RFX3: variants seen among roughly 807,000 people sequenced by gnomAD.
RFX3 encodes the protein transcription factor RFX3.
RFX3 carries 14 observed loss-of-function variants against 98.6 expected under a neutral mutation model. The ratio of observed to expected loss-of-function variants is 0.14; its 90% confidence interval spans 0.09 to 0.22. RFX3 has a LOEUF of 0.22. Among genes scored for constraint, RFX3 ranks in the 10% least tolerant of loss-of-function variants. RFX3 has a pLI of 1.00. For missense variants in RFX3, 639 were observed against 926.9 expected (o/e 0.69, Z 4.03); for synonymous variants, 383 against 328.4 (o/e 1.17, Z -1.80).
intron 1 of RFX3, among the ~76,000 whole-genome samples, chr9:3,455,799 G>A (rs1170909539): frequency 1.3e-5 from 2 of 152,108 alleles, no homozygotes; most frequent in Admixed American, 1.3e-4. Flanking sequence ...CTTAAAACCT[G>A]GAAACCATAA....
chr9:3,524,761 A>C (rs1819052685), intron 1 of RFX3: 1 of 245,662 alleles, frequency 4.1e-6, no homozygotes, highest in Non-Finnish European at 6.5e-6. Context: ...CACATGAAGG[A>C]TAAAGCACTG....
intron 15 of RFX3, among the ~76,000 whole-genome samples, chr9:3,234,959 C>T (rs1343516801): frequency 6.6e-6 from 1 of 152,198 alleles, no homozygotes; most frequent in Non-Finnish European, 1.5e-5. Flanking sequence ...AAGTAAGAGT[C>T]AGCTTTTAAA....
At chr9:3,437,074 T>C (rs1845195278) in intron 1 of RFX3, among the ~76,000 whole-genome samples, 1 of 152,108 alleles carries the variant, frequency 6.6e-6, no homozygotes, top group African/African-American at 2.4e-5. Context: ...AAGCAGCAAA[T>C]GAAAATGTCA....
intron 15 of RFX3, among the ~76,000 whole-genome samples, chr9:3,233,170 G>A (rs1818707247): frequency 6.6e-6 from 1 of 152,218 alleles, no homozygotes; most frequent in African/African-American, 2.4e-5. Context: ...GCCAGTGAGA[G>A]TCTATTAGCA....
At position 3,431,501 on chromosome 9, in the gene RFX3, A is replaced by G. The variant is rs181962904; in HGVS notation, c.-8-35905T>C. 1.1e-4 allele frequency among the ~76,000 whole-genome samples: 17 copies of G among 152,314 alleles called. No individual in the cohort carries two copies. The East Asian group carries it at 3.3e-3, about 29-fold the overall frequency. ...AATTTATGAAGTTGTCACTACAGTT[A>G]CGCCAACAGGTATGAAAACCCCGCA... On this transcript the variant is annotated intron_variant, in intron 1 of 16. Coordinates refer to ENST00000617270, the MANE Select transcript of RFX3 (RefSeq NM_001282116.2).
chr9:3,492,575 T>G (rs1850804064), intron 1 of RFX3, among the ~76,000 whole-genome samples: 1 of 152,146 alleles, frequency 6.6e-6, no homozygotes, highest in African/African-American at 2.4e-5. Flanking sequence ...TCAGGCATAC[T>G]CAACTCTACG....
intron 14 of RFX3, among the ~76,000 whole-genome samples, chr9:3,256,339 CTTT>C (rs200534632): frequency 3.5e-5 from 5 of 144,518 alleles, no homozygotes; most frequent in Non-Finnish European, 3.0e-5. Context: ...GGATTTGTTT[CTTT>C]TTTTTTTTTT....
rs1159940231 is a variant in RFX3 at position 3,376,888 on chromosome 9, T to C, written c.117+18584A>G. Among the ~76,000 whole-genome samples the C allele has an allele frequency of 2.0e-5, 3 of 151,244 alleles. No individual in the cohort carries two copies. In the East Asian group the frequency reaches 5.8e-4, roughly 29 times the overall value. ...TCAGAGAAATGCAAATCAAAACCAC[T>C]ATGAGATACCATCTCACACCAGTTA... On this transcript the variant is annotated intron_variant, in intron 2 of 16. Transcript: ENST00000617270.
At chr9:3,436,402 A>C (rs1328195870) in intron 1 of RFX3, among the ~76,000 whole-genome samples, 1 of 152,120 alleles carries the variant, frequency 6.6e-6, no homozygotes, top group Non-Finnish European at 1.5e-5. Flanking sequence ...ATTTTGAGTG[A>C]TCTTCAAGTT....
At chr9:3,423,930 A>C (rs574668401) in intron 1 of RFX3, among the ~76,000 whole-genome samples, 1 of 151,294 alleles carries the variant, frequency 6.6e-6, no homozygotes, top group Non-Finnish European at 1.5e-5. Context: ...GGGGGACCAC[A>C]AGGTCAGGAG....
chr9:3,450,280 G>A (rs547190806), intron 1 of RFX3, among the ~76,000 whole-genome samples: 1 of 152,112 alleles, frequency 6.6e-6, no homozygotes, highest in Admixed American at 6.5e-5. Context: ...CTCAATTCTG[G>A]TGTCAGAAAG....
intron 4 of RFX3, 141 bp downstream of exon 4, chr9:3,330,118 T>C: frequency 1.2e-6 from 1 of 808,252 alleles, no homozygotes; most frequent in Non-Finnish European, 1.9e-6. Context: ...TATACTACAT[T>C]CTGCAAACTC....
chr9:3,417,193 T>C (rs1275370018), intron 1 of RFX3, among the ~76,000 whole-genome samples: 2 of 151,982 alleles, frequency 1.3e-5, no homozygotes, highest in Non-Finnish European at 2.9e-5. Flanking sequence ...AGAACTCCAA[T>C]ATACATAAAA....
At chr9:3,497,556 G>A (rs1299888887) in intron 1 of RFX3, among the ~76,000 whole-genome samples, 2 of 151,948 alleles carry the variant, frequency 1.3e-5, no homozygotes, top group Non-Finnish European at 1.5e-5. Context: ...CTCGAACTAG[G>A]ATGCCTCATA....
At chr9:3,225,313 G>A (rs757837663) in intron 16 of RFX3, 33 bp from the exon 17 acceptor site, 9 of 1,605,514 alleles carry the variant, frequency 5.6e-6, no homozygotes, top group South Asian at 3.3e-5. Flanking sequence ...GACTATCATC[G>A]AAGACAAATT....
At chr9:3,479,067 T>G (rs1849515514) in intron 1 of RFX3, among the ~76,000 whole-genome samples, 2 of 152,172 alleles carry the variant, frequency 1.3e-5, no homozygotes, top group South Asian at 4.1e-4. Context: ...CTCTCTCCAT[T>G]GTCTGCAATA....
At chr9:3,249,236 T>C (rs1396393130) in intron 14 of RFX3, among the ~76,000 whole-genome samples, 2 of 152,132 alleles carry the variant, frequency 1.3e-5, no homozygotes, top group Admixed American at 1.3e-4. Flanking sequence ...TTGTTTTCTG[T>C]TTCATTTTTC....
At chr9:3,465,819 A>G (rs921161840) in intron 1 of RFX3, among the ~76,000 whole-genome samples, 4 of 152,180 alleles carry the variant, frequency 2.6e-5, no homozygotes, top group African/African-American at 9.7e-5. Flanking sequence ...TGGTGAAAAA[A>G]AGAAAAAGCA....
At chr9:3,492,839 AG>A (rs542889994) in intron 1 of RFX3, among the ~76,000 whole-genome samples, 121 of 152,310 alleles carry the variant, frequency 7.9e-4, no homozygotes, top group African/African-American at 2.7e-3. Flanking sequence ...AGGAGGTCAG[AG>A]GATGTTTGAT....
Sources: gnomAD v4.1 joint callset for allele counts (sites outside exome capture counted in the v4.1 genomes callset) on GRCh38, gnomAD v4.1.1 for gene constraint, MANE v1.5 for transcripts, NCBI Gene and HGNC (gene_info 2026-07-23, HGNC 2026-07-21) for gene names.